The following TMSB15B variants were observed in gnomAD, a reference collection of about 807,000 sequenced individuals.
TMSB15B encodes thymosin beta 15B.
intron 1 of TMSB15B, among the ~76,000 whole-genome samples, chrX:103,953,716 C>T (rs1319714436): frequency 8.9e-6 from 1 of 112,148 alleles, no homozygotes; most frequent in Non-Finnish European, 1.9e-5. Flanking sequence ...CCTATTCTTC[C>T]TTACTGGGAG....
chrX:103,933,873 A>G (rs2074990922), intron 1 of TMSB15B, among the ~76,000 whole-genome samples: 1 of 104,261 alleles, frequency 9.6e-6, no homozygotes, highest in Non-Finnish European at 2.0e-5. Context: ...TTATTGATGC[A>G]TAATAATTGT....
At chrX:103,942,995 A>G (rs1400390255) in intron 1 of TMSB15B, among the ~76,000 whole-genome samples, 1 of 111,606 alleles carries the variant, frequency 9.0e-6, no homozygotes, top group African/African-American at 3.3e-5. Context: ...TATTATCTAT[A>G]AAGATGCTAC....
chrX:103,956,157 G>A (rs1245720103), intron 1 of TMSB15B, among the ~76,000 whole-genome samples: 2 of 64,066 alleles, frequency 3.1e-5, no homozygotes, highest in African/African-American at 1.2e-4. Flanking sequence ...CCTAAATATG[G>A]AAATGAAAGA....
intron 1 of TMSB15B, among the ~76,000 whole-genome samples, chrX:103,949,500 C>T (rs2075034001): frequency 9.0e-6 from 1 of 111,181 alleles, no homozygotes; most frequent in East Asian, 2.8e-4. Context: ...TGAAGTAGAG[C>T]CAAAACGATT....
chrX:103,922,182 T>C (rs781987847), intron 1 of TMSB15B, among the ~76,000 whole-genome samples: 5 of 109,270 alleles, frequency 4.6e-5, no homozygotes, highest in South Asian at 4.0e-4. Flanking sequence ...TATTATCTCA[T>C]TTTTATTTAA....
chrX:103,934,619 C>T (rs782179093), intron 1 of TMSB15B, among the ~76,000 whole-genome samples: 1 of 111,371 alleles, frequency 9.0e-6, no homozygotes, highest in Non-Finnish European at 1.9e-5. Context: ...TATTAGTTTG[C>T]TGAGAATGAT....
intron 1 of TMSB15B, among the ~76,000 whole-genome samples, chrX:103,921,769 TTCTA>T (rs1425199586): frequency 6.2e-5 from 7 of 112,355 alleles, no homozygotes; most frequent in Admixed American, 3.8e-4. Context: ...ACCAGGAACT[TTCTA>T]TCTGTTATCT....
At chrX:103,943,127 C>A (rs1556326053) in intron 1 of TMSB15B, among the ~76,000 whole-genome samples, 1 of 111,718 alleles carries the variant, frequency 9.0e-6, no homozygotes, top group Non-Finnish European at 1.9e-5. Context: ...ACACCTGTAT[C>A]CAACTGCCTA....
At chrX:103,942,922 G>A (rs2075016204) in intron 1 of TMSB15B, among the ~76,000 whole-genome samples, 1 of 111,546 alleles carries the variant, frequency 9.0e-6, no homozygotes, top group African/African-American at 3.2e-5. Flanking sequence ...CAGTTTATAT[G>A]TGTTGATGCC....
chrX:103,930,763 T>TAAA (rs2074982931), intron 1 of TMSB15B, among the ~76,000 whole-genome samples: 7 of 101,762 alleles, frequency 6.9e-5, no homozygotes, highest in Admixed American at 4.2e-4. Flanking sequence ...ATAATAATAA[T>TAAA]AATAAATTAC....
chrX:103,923,924 T>C (rs2074961234), intron 1 of TMSB15B, among the ~76,000 whole-genome samples: 1 of 111,720 alleles, frequency 9.0e-6, no homozygotes. Flanking sequence ...TTCACATCCC[T>C]TGTATGTTGG....
At chrX:103,952,667 A>G (rs1445523883) in intron 1 of TMSB15B, among the ~76,000 whole-genome samples, 2 of 111,973 alleles carry the variant, frequency 1.8e-5, no homozygotes, top group Non-Finnish European at 3.8e-5. Context: ...GAGGTATCTT[A>G]GGATACTTGT....
intron 1 of TMSB15B, among the ~76,000 whole-genome samples, chrX:103,937,618 G>T (rs1556322319): frequency 9.0e-6 from 1 of 111,341 alleles, no homozygotes; most frequent in Non-Finnish European, 1.9e-5. Context: ...CAAAAAATCA[G>T]CTCCTGGATT....
Position 103,953,092 on chromosome X carries a change from C to T in TMSB15B, c.-720-8929C>T, listed in dbSNP as rs1215247617. On this transcript the variant is annotated intron_variant, in intron 1 of 3. Transcript: ENST00000419165. Reference sequence around the variant, plus strand: ...GAGAATGGAGAAAAGCAAGGCAGGACGACGGCACACCCAGGTGCAACACAA... The same window carrying T: ...GAGAATGGAGAAAAGCAAGGCAGGATGACGGCACACCCAGGTGCAACACAA... Among the ~76,000 whole-genome samples the T allele has an allele frequency of 7.2e-5, 8 of 111,573 alleles. No individual in the cohort carries two copies. In the East Asian group the frequency reaches 8.5e-4, roughly 12 times the overall value.
rs28882496 is a variant in TMSB15B at position 103,955,311 on chromosome X, C to T, written c.-720-6710C>T. Among the ~76,000 whole-genome samples the T allele has an allele frequency of 3.0e-3, 333 of 110,543 alleles. 4 individuals carry two copies. Among genetic ancestry groups the T allele is most frequent in the African/African-American group, 0.011 (321 of 30,347 alleles). On this transcript the variant is annotated intron_variant, in intron 1 of 3. Coordinates refer to the TMSB15B transcript ENST00000419165. ...TGGAACCAGGCTGAGGCTAAGATGG[C>T]TGAAATGACAGATGTATAGGAAAGA...
intron 1 of TMSB15B, among the ~76,000 whole-genome samples, chrX:103,954,212 C>T (rs1295404665): frequency 1.8e-5 from 2 of 112,291 alleles, no homozygotes; most frequent in Admixed American, 1.9e-4. Context: ...GCTCAACATG[C>T]CCCATAAGAG....
chrX:103,941,728 AC>A (rs1401468832), intron 1 of TMSB15B, among the ~76,000 whole-genome samples: 2 of 112,003 alleles, frequency 1.8e-5, no homozygotes, highest in African/African-American at 6.5e-5. Flanking sequence ...AATGGCATGT[AC>A]CAGTTCACAC....
intron 1 of TMSB15B, chrX:103,931,689 A>G (rs2074985296): frequency 8.9e-6 from 1 of 112,596 alleles, no homozygotes; most frequent in African/African-American, 3.2e-5. Context: ...GTTTCCTGGC[A>G]TGCAACTCTT....
At position 103,948,492 on chromosome X, in the gene TMSB15B, G is replaced by A. The variant is rs186442086; in HGVS notation, c.-720-13529G>A. Among the ~76,000 whole-genome samples the A allele has an allele frequency of 4.4e-4, 49 of 112,065 alleles. 1 individual carries two copies. In the East Asian group the frequency reaches 0.013, roughly 30 times the overall value. On this transcript the variant is annotated intron_variant, in intron 1 of 3. Coordinates refer to the TMSB15B transcript ENST00000419165. Reference sequence around the variant, plus strand: ...GGCTATTGCAAGAACATGAACTGCCGCATTGCTTGTAATAGAAAAAATGGA... The same window carrying A: ...GGCTATTGCAAGAACATGAACTGCCACATTGCTTGTAATAGAAAAAATGGA...
Sources: allele counts gnomAD v4.1 joint callset (sites outside exome capture counted in the v4.1 genomes callset), GRCh38; gene constraint gnomAD v4.1.1; transcripts MANE v1.5; gene names NCBI Gene and HGNC (gene_info 2026-07-23, HGNC 2026-07-21).